DISP3: variants seen among roughly 807,000 people sequenced by gnomAD.
The protein encoded by DISP3 is dispatched RND transporter family member 3, also known as protein dispatched homolog 3.
A neutral mutation model predicts 135.3 loss-of-function variants in DISP3; 101 were observed. The ratio of observed to expected loss-of-function variants is 0.75; its 90% CI spans 0.64 to 0.88. DISP3 has a LOEUF of 0.88. Ranked by LOEUF, DISP3 falls within the 40% of genes least tolerant of loss-of-function variation. The pLI is 0.00. For missense variants in DISP3, 1,713 were observed against 1,878.6 expected, an observed-to-expected ratio of 0.91 and a Z score of 1.63; for synonymous variants, 856 against 817.0, an observed-to-expected ratio of 1.05 and a Z score of -0.81.
chr1:11,513,234 T>C (rs1641908443), intron 3 of DISP3, among the ~76,000 whole-genome samples: 1 of 152,152 alleles, frequency 6.6e-6, no homozygotes, highest in Admixed American at 6.5e-5. Context: ...TAGTGAGCTA[T>C]GATCATGCCA....
At chr1:11,523,410 A>C (rs1284611041) in intron 10 of DISP3, among the ~76,000 whole-genome samples, 6 of 152,048 alleles carry the variant, frequency 3.9e-5, no homozygotes, top group Non-Finnish European at 7.4e-5. Context: ...CATCATCTCC[A>C]CCCGACAGAG....
chr1:11,519,942 C>G lies in DISP3; in HGVS notation c.2200+62C>G, dbSNP rs1642134095. 7 of 1,514,550 alleles carry G rather than the reference C, an allele frequency of 4.6e-6. No homozygotes were observed. In the East Asian group the frequency reaches 1.4e-4, roughly 30 times the overall value. 93.8% of individuals were successfully genotyped at this position (1,514,550 alleles called of 1,614,324 possible). ...GCTCCACCCCCAAAACACACAGGAA[C>G]TGGGAGCCCACCCCCTCTCGCAGAT... On this transcript the variant is annotated intron_variant, in intron 9 of 20. Transcript: ENST00000294484. This position sits in a 1 kb window ranked among gnomAD's most constrained non-coding sequence, Gnocchi z 4.3.
At chr1:11,532,583 G>C (rs1433188842) in intron 17 of DISP3, among the ~76,000 whole-genome samples, 1 of 152,200 alleles carries the variant, frequency 6.6e-6, no homozygotes, top group Admixed American at 6.5e-5. Flanking sequence ...AGCCCTCAGC[G>C]AGCCCCCAGG....
intron 12 of DISP3, 145 bp from the exon 13 acceptor site, chr1:11,526,506 C>A: frequency 1.1e-6 from 1 of 894,338 alleles, no homozygotes. Context: ...GCCTCCCAAG[C>A]CTCTGCCCAG....
chr1:11,528,230 C>T (rs1456480203), intron 13 of DISP3, among the ~76,000 whole-genome samples: 2 of 152,218 alleles, frequency 1.3e-5, no homozygotes, highest in African/African-American at 4.8e-5. Flanking sequence ...TCACTTGCCA[C>T]AGGCCCAGTC....
chr1:11,524,086 C>A, intron 11 of DISP3, 31 bp downstream of exon 11: 1 of 1,519,040 alleles, frequency 6.6e-7, no homozygotes, highest in South Asian at 1.1e-5. Flanking sequence ...GTGGGGAAAT[C>A]CTCCCTGGTG....
chr1:11,517,955 G>A (rs146022139), intron 7 of DISP3, among the ~76,000 whole-genome samples: 5 of 152,300 alleles, frequency 3.3e-5, no homozygotes, highest in African/African-American at 1.2e-4. Context: ...GTAGAGCCTG[G>A]ATTTAAACCC....
chr1:11,504,560 T>C lies in DISP3; in HGVS notation c.1316+1663T>C, dbSNP rs774459936. ...TTGAGAGGTGGGGCCTAGTGGAAGA[T>C]GTTTGGGTCATGGGGGTGGATCCTT... On this transcript the variant is annotated intron_variant, in intron 3 of 20. Coordinates refer to ENST00000294484, the MANE Select transcript of DISP3 (RefSeq NM_020780.2). Among the ~76,000 whole-genome samples, 63 of 152,202 alleles carry C rather than the reference T, an allele frequency of 4.1e-4. 1 individual carries two copies. Among genetic ancestry groups the C allele is most frequent in the South Asian group, 8.3e-4 (4 of 4,830 alleles).
At chr1:11,533,913 C>G in intron 17 of DISP3, 1 of 713,212 alleles carries the variant, frequency 1.4e-6, no homozygotes, top group Non-Finnish European at 2.6e-6. Flanking sequence ...CCTGCCCTTG[C>G]AATTCACAGT....
chr1:11,506,568 A>G (rs771010197), intron 3 of DISP3, among the ~76,000 whole-genome samples: 3 of 151,956 alleles, frequency 2.0e-5, no homozygotes, highest in Non-Finnish European at 4.4e-5. Flanking sequence ...CTTTTTGAGA[A>G]TTTCCATTTG....
At chr1:11,512,859 A>C (rs1255072904) in intron 3 of DISP3, among the ~76,000 whole-genome samples, 4 of 152,218 alleles carry the variant, frequency 2.6e-5, no homozygotes, top group Non-Finnish European at 5.9e-5. Flanking sequence ...ACTCAGAATC[A>C]TGGCAGGAGG....
At position 11,536,564 on chromosome 1, in the gene DISP3, C is replaced by G. The variant is rs374220301; in HGVS notation, c.4057C>G (p.Arg1353Gly). The G allele has an allele frequency of 6.2e-7, 1 of 1,612,354 alleles. No individual in the cohort carries two copies. Among genetic ancestry groups the G allele is most frequent in the African/African-American group, 1.3e-5 (1 of 74,938 alleles). The change falls in exon 21 of 21, where the codon CGG (arginine) becomes GGG (glycine). Residue 1353 changes from arginine (R) to glycine (G), a missense_variant. Arg to Gly is a moderately radical substitution (Grantham distance 125). Coordinates refer to ENST00000294484, the MANE Select transcript of DISP3 (RefSeq NM_020780.2). The surrounding 1 kb of genome is among the most constrained non-coding windows in gnomAD (Gnocchi z 4.3). ...GGCGCCCAGCTCTTTCACTCGGACC[C>G]GGACTTCCTTCCTCAAGGCCCTGGG... Reference protein sequence around the residue: ...IMAPSSFTRTRTSFLKALGAV... With the variant: ...IMAPSSFTRTGTSFLKALGAV...
chr1:11,515,163 C>G lies in DISP3; in HGVS notation c.1454-206C>G, dbSNP rs201211650. ...GAGGTAAGGTCTGCAAAGAGGAGGA[C>G]AGTCTGCCACTTGGGCCTCCTGCCC... is the stretch of plus-strand genomic sequence containing the variant. On this transcript the variant is annotated intron_variant, in intron 4 of 20. Coordinates refer to ENST00000294484, the MANE Select transcript of DISP3 (RefSeq NM_020780.2). Among the ~76,000 whole-genome samples the G allele has an allele frequency of 3.9e-5, 6 of 152,228 alleles. No individual in the cohort carries two copies. In the East Asian group the frequency reaches 9.6e-4, roughly 24 times the overall value.
Position 11,519,295 on chromosome 1 carries a change from C to T in DISP3, c.1890-60C>T. 1.3e-6 allele frequency: 2 copies of T among 1,563,400 alleles called. No individual in the cohort carries two copies. Among genetic ancestry groups the T allele is most frequent in the South Asian group, 2.3e-5 (2 of 87,404 alleles). ...TTCATCTGATCCTCAGGGCCCTGCC[C>T]CACCCTCCCTGGGTACCCAGGACCC... On this transcript the variant is annotated intron_variant, in intron 7 of 20. Transcript: ENST00000294484. This position sits in a 1 kb window ranked among gnomAD's most constrained non-coding sequence, Gnocchi z 4.3.
At chr1:11,504,489 A>G (rs766410715) in intron 3 of DISP3, among the ~76,000 whole-genome samples, 5 of 152,180 alleles carry the variant, frequency 3.3e-5, no homozygotes, top group Non-Finnish European at 7.4e-5. Context: ...ACTACCTGCT[A>G]TGGTTTGGAT....
At position 11,519,451 on chromosome 1, in the gene DISP3, C is replaced by T. The variant is rs755313631; in HGVS notation, c.1986C>T (p.Pro662=). 198 of 1,613,684 alleles carry T rather than the reference C, an allele frequency of 1.2e-4. No homozygotes were observed. The highest frequency in any genetic ancestry group is 1.6e-4 in the Non-Finnish European group (187 of 1,180,030). ...EQVGGSPAQG[P]IPYLDDDIPL... ...TTGGAGGCAGCCCTGCCCAGGGCCC[C>T]ATACCCTACCTGGATGATGACATCC... The change falls in exon 8 of 21, where the codon CCC becomes CCT. Residue 662 remains proline (P), a synonymous_variant. Transcript: ENST00000294484. This position sits in a 1 kb window ranked among gnomAD's most constrained non-coding sequence, Gnocchi z 4.3.
chr1:11,517,823 T>G (rs556524727), intron 7 of DISP3, among the ~76,000 whole-genome samples: 8 of 152,306 alleles, frequency 5.3e-5, no homozygotes, highest in African/African-American at 1.4e-4. Context: ...TCTTATGACA[T>G]CACCATTCAC....
At chr1:11,512,806 A>G (rs1641893752) in intron 3 of DISP3, among the ~76,000 whole-genome samples, 1 of 152,196 alleles carries the variant, frequency 6.6e-6, no homozygotes, top group Non-Finnish European at 1.5e-5. Flanking sequence ...CTGAGAACAA[A>G]AAGAGGTTTA....
chr1:11,485,534 G>A lies in DISP3; in HGVS notation c.-4+6162G>A, dbSNP rs994910683. 4.6e-5 allele frequency among the ~76,000 whole-genome samples: 7 copies of A among 152,132 alleles called. No homozygotes were observed. In the South Asian group the frequency reaches 8.3e-4, roughly 18 times the overall value. ...TTCAACGGGGGTCAGGGTGGGGAAG[G>A]TTGTGGCAAATTGGTGTTCCTGGGA... On this transcript the variant is annotated intron_variant, in intron 1 of 20. Coordinates refer to ENST00000294484, the MANE Select transcript of DISP3 (RefSeq NM_020780.2).
Sources: allele counts gnomAD v4.1 joint callset (sites outside exome capture counted in the v4.1 genomes callset), GRCh38; gene constraint gnomAD v4.1.1; non-coding constraint Gnocchi (gnomAD v3.1); transcripts MANE v1.5; gene names NCBI Gene and HGNC (gene_info 2026-07-23, HGNC 2026-07-21).